The following BMPR2 variants were observed in gnomAD, a reference collection of about 807,000 sequenced individuals.
BMPR2 encodes the protein bone morphogenetic protein receptor type-2.
BMPR2 carries 29 observed loss-of-function variants against 100.8 expected under a neutral mutation model. The observed-to-expected ratio is 0.29, with a 90% CI of 0.21 to 0.39. The LOEUF is 0.39. Among genes scored for constraint, BMPR2 ranks in the 10% least tolerant of loss-of-function variants. The probability of loss-of-function intolerance (pLI) is 1.00; values close to 1 mark genes in which losing one functional copy is unlikely to be tolerated. For synonymous variants in BMPR2, 382 were observed against 442.3 expected, an observed-to-expected ratio of 0.86 and a Z score of 1.71; for missense variants, 1,011 against 1,274.5, an observed-to-expected ratio of 0.79 and a Z score of 3.15.
At chr2:202,519,871 TATA>T (rs1687788944) in intron 6 of BMPR2, among the ~76,000 whole-genome samples, 2 of 152,164 alleles carry the variant, frequency 1.3e-5, no homozygotes, top group Non-Finnish European at 2.9e-5. Flanking sequence ...CATAAAAATT[TATA>T]ATGTTTAAAT....
At chr2:202,418,754 C>T (rs1691192533) in intron 1 of BMPR2, among the ~76,000 whole-genome samples, 1 of 152,150 alleles carries the variant, frequency 6.6e-6, no homozygotes, top group Non-Finnish European at 1.5e-5. Context: ...GCAAATGAAG[C>T]TTCCTTGTAG....
At chr2:202,528,552 A>G (rs1174005800) in intron 7 of BMPR2, among the ~76,000 whole-genome samples, 1 of 152,268 alleles carries the variant, frequency 6.6e-6, no homozygotes, top group African/African-American at 2.4e-5. Context: ...AAATATTGTA[A>G]GTTGAAAATG....
chr2:202,559,600 C>T (rs910087502), intron 12 of BMPR2, 96 bp from the exon 13 acceptor site: 2 of 1,333,494 alleles, frequency 1.5e-6, no homozygotes, highest in Non-Finnish European at 2.1e-6. Context: ...TAGCACCCTC[C>T]TGAGACATTG....
chr2:202,435,283 G>A (rs972575718), intron 1 of BMPR2, among the ~76,000 whole-genome samples: 1 of 145,804 alleles, frequency 6.9e-6, no homozygotes, highest in Non-Finnish European at 1.5e-5. Context: ...AGAATTGCTT[G>A]AACCCATGAG....
rs192529521 is a variant in BMPR2 at position 202,495,401 on chromosome 2, C to T, written c.419-18318C>T. ...CGTTGTCGTTCTGTCGACGGCCTGC[C>T]GGCGTGCGGGTGCCTATCGTTGTGC... On this transcript the variant is annotated intron_variant, in intron 3 of 12. Coordinates refer to ENST00000374580, the MANE Select transcript of BMPR2 (RefSeq NM_001204.7). This position sits in a 1 kb window ranked among gnomAD's most constrained non-coding sequence, Gnocchi z 4.5. Among the ~76,000 whole-genome samples the T allele has an allele frequency of 7.3e-4, 111 of 152,348 alleles. No individual in the cohort carries two copies. Among genetic ancestry groups the T allele is most frequent in the Admixed American group, 4.6e-4 (7 of 15,308 alleles).
At chr2:202,449,274 C>T (rs1199481847) in intron 1 of BMPR2, among the ~76,000 whole-genome samples, 1 of 151,482 alleles carries the variant, frequency 6.6e-6, no homozygotes. Context: ...CGCTGTTACA[C>T]TCCAGCCTGG....
chr2:202,502,449 G>A (rs1339553153), intron 3 of BMPR2, among the ~76,000 whole-genome samples: 5 of 151,946 alleles, frequency 3.3e-5, no homozygotes, highest in African/African-American at 9.7e-5. Flanking sequence ...GAGAGGAAGA[G>A]ACAAAGAAGA....
chr2:202,555,127 GAAAAA>G, intron 11 of BMPR2, 120 bp from the exon 12 acceptor site: 1 of 896,040 alleles, frequency 1.1e-6, no homozygotes, highest in Non-Finnish European at 1.7e-6. Flanking sequence ...TTAACCTTTA[GAAAAA>G]TGTACGTTTG....
chr2:202,550,772 G>A (rs1292491080), intron 10 of BMPR2, among the ~76,000 whole-genome samples: 1 of 151,738 alleles, frequency 6.6e-6, no homozygotes, highest in African/African-American at 2.4e-5. Context: ...CACAGCACTC[G>A]AGCCTGGGCA....
At chr2:202,429,813 A>C (rs1303264990) in intron 1 of BMPR2, among the ~76,000 whole-genome samples, 3 of 152,122 alleles carry the variant, frequency 2.0e-5, no homozygotes, top group African/African-American at 7.2e-5. Flanking sequence ...AACACTTGTA[A>C]AACCATCAGA....
chr2:202,393,172 A>G (rs1690585413), intron 1 of BMPR2, among the ~76,000 whole-genome samples: 1 of 152,158 alleles, frequency 6.6e-6, no homozygotes, highest in South Asian at 2.1e-4. Context: ...TTAAACTGGA[A>G]TTCTTTGTCA....
At chr2:202,416,696 T>C (rs1169758190) in intron 1 of BMPR2, among the ~76,000 whole-genome samples, 1 of 152,076 alleles carries the variant, frequency 6.6e-6, no homozygotes, top group Non-Finnish European at 1.5e-5. Context: ...AATGCTGGCA[T>C]TACAGGCATG....
chr2:202,456,764 C>T (rs1574458838), intron 1 of BMPR2, among the ~76,000 whole-genome samples: 1 of 152,108 alleles, frequency 6.6e-6, no homozygotes, highest in African/African-American at 2.4e-5. Context: ...ATTCACCAGC[C>T]TCGGCCTCCT....
intron 3 of BMPR2, chr2:202,504,976 AC>A (rs1687491241): frequency 6.4e-6 from 1 of 156,468 alleles, no homozygotes; most frequent in Non-Finnish European, 1.4e-5. Flanking sequence ...ACCATGCCTG[AC>A]CCATCATAGT....
rs574400193 is a variant in BMPR2, at chr2:202,535,208, C to A, written c.1276+2476C>A. The stretch of plus-strand genomic sequence containing the variant: ...TGACCCCCCCCACCTCCCTCCCGGA[C>A]GGGGTGGCTGCCGGGCGGAGACACT... On this transcript the variant is annotated intron_variant, in intron 9 of 12. Coordinates refer to ENST00000374580, the MANE Select transcript of BMPR2 (RefSeq NM_001204.7). 8.6e-5 allele frequency among the ~76,000 whole-genome samples: 13 copies of A among 150,450 alleles called. No homozygotes were observed. The South Asian group carries it at 2.7e-3, about 32-fold the overall frequency.
At chr2:202,393,325 ACTGT>A in intron 1 of BMPR2, among the ~76,000 whole-genome samples, 3 of 152,262 alleles carry the variant, frequency 2.0e-5, no homozygotes, top group Admixed American at 2.0e-4. Context: ...TTTCTCTCAT[ACTGT>A]CTTTCTATCT....
chr2:202,541,495 T>A (rs1653387874), intron 9 of BMPR2, among the ~76,000 whole-genome samples: 1 of 152,174 alleles, frequency 6.6e-6, no homozygotes, highest in African/African-American at 2.4e-5. Flanking sequence ...AATATTTTTG[T>A]AACATTTGAT....
chr2:202,515,511 C>T (rs572504044), intron 5 of BMPR2, among the ~76,000 whole-genome samples: 43 of 149,522 alleles, frequency 2.9e-4, no homozygotes, highest in African/African-American at 1.0e-3. Flanking sequence ...GCAGAGGTTG[C>T]GGTGAGCCGA....
chr2:202,527,501 A>G (rs1387189812), intron 7 of BMPR2, among the ~76,000 whole-genome samples: 1 of 140,412 alleles, frequency 7.1e-6, no homozygotes, highest in Non-Finnish European at 1.5e-5. Flanking sequence ...AAATAAATAA[A>G]TAGGCCGGGC....
Sources: allele counts gnomAD v4.1 joint callset (sites outside exome capture counted in the v4.1 genomes callset), GRCh38; gene constraint gnomAD v4.1.1; non-coding constraint Gnocchi (gnomAD v3.1); transcripts MANE v1.5; gene names NCBI Gene and HGNC (gene_info 2026-07-23, HGNC 2026-07-21).